The following CPM variants were observed in gnomAD, a reference collection of about 807,000 sequenced individuals.
CPM encodes the protein renal carboxypeptidase.
A neutral mutation model predicts 46.4 loss-of-function variants in CPM; 35 were observed. The observed-to-expected ratio is 0.75, with a 90% CI of 0.58 to 1.00. The LOEUF (loss-of-function observed/expected upper bound fraction) is 1.00, where lower values mean the gene tolerates loss of function less well. Ranked by LOEUF, CPM falls within the 50% of genes least tolerant of loss-of-function variation. The probability of loss-of-function intolerance (pLI) is 0.00; values close to 1 mark genes in which losing one functional copy is unlikely to be tolerated. For synonymous variants in CPM, 195 were observed against 195.3 expected, an observed-to-expected ratio of 1.00 and a Z score of 0.01; for missense variants, 422 against 530.4, an observed-to-expected ratio of 0.80 and a Z score of 2.01.
intron 3 of CPM, among the ~76,000 whole-genome samples, chr12:68,878,016 C>T (rs1449107814): frequency 6.6e-6 from 1 of 152,116 alleles, no homozygotes; most frequent in Non-Finnish European, 1.5e-5. Flanking sequence ...CCACTATTAC[C>T]CAGGGAATGT....
chr12:68,945,882 T>C (rs1407006073), intron 1 of CPM, among the ~76,000 whole-genome samples: 3 of 138,258 alleles, frequency 2.2e-5, no homozygotes, highest in African/African-American at 8.2e-5. Flanking sequence ...AGACAGTGTC[T>C]CACTCTGTTG....
At chr12:68,897,430 A>G (rs1477561328) in intron 2 of CPM, among the ~76,000 whole-genome samples, 3 of 152,122 alleles carry the variant, frequency 2.0e-5, no homozygotes, top group Non-Finnish European at 4.4e-5. Flanking sequence ...TTTGAAGGAC[A>G]ATTCAGCTGT....
At chr12:68,946,468 TATGA>T (rs1219763015) in intron 1 of CPM, among the ~76,000 whole-genome samples, 1 of 152,226 alleles carries the variant, frequency 6.6e-6, no homozygotes, top group African/African-American at 2.4e-5. Context: ...CAGATACCTG[TATGA>T]ATTGAATGAA....
intron 3 of CPM, among the ~76,000 whole-genome samples, chr12:68,878,856 T>TA (rs1004748605): frequency 1.3e-5 from 2 of 152,122 alleles, no homozygotes; most frequent in African/African-American, 4.8e-5. Flanking sequence ...AACTAAGGCT[T>TA]AAAAAAATTC....
chr12:68,884,112 A>G (rs1309192263), intron 3 of CPM, among the ~76,000 whole-genome samples: 8 of 41,482 alleles, frequency 1.9e-4, no homozygotes, highest in Non-Finnish European at 5.8e-4. Context: ...TTCCATCGGA[A>G]AAAAAAAAAA....
intron 1 of CPM, among the ~76,000 whole-genome samples, chr12:68,958,554 A>C (rs1174337642): frequency 6.6e-6 from 1 of 151,736 alleles, no homozygotes; most frequent in Non-Finnish European, 1.5e-5. Flanking sequence ...AGTTCTGTTA[A>C]CTCCATCACC....
chr12:68,863,538 T>C (rs920596891), intron 7 of CPM, among the ~76,000 whole-genome samples: 1 of 152,150 alleles, frequency 6.6e-6, no homozygotes, highest in Non-Finnish European at 1.5e-5. Context: ...GAGTTCTAAT[T>C]GAAGGAATAA....
At chr12:68,962,218 A>AAAAC (rs1565812992) in intron 1 of CPM, among the ~76,000 whole-genome samples, 14 of 151,818 alleles carry the variant, frequency 9.2e-5, no homozygotes, top group African/African-American at 3.4e-4. Context: ...AAAAAAAAAA[A>AAAAC]CCAAGTGTGA....
intron 2 of CPM, among the ~76,000 whole-genome samples, chr12:68,905,730 TAAGA>T (rs1887316568): frequency 6.6e-6 from 1 of 152,138 alleles, no homozygotes; most frequent in Non-Finnish European, 1.5e-5. Flanking sequence ...CTAAGAGGCT[TAAGA>T]AAGAGGCTGA....
chr12:68,930,827 TTG>T (rs1432301478), intron 2 of CPM, among the ~76,000 whole-genome samples: 1 of 152,262 alleles, frequency 6.6e-6, no homozygotes, highest in Non-Finnish European at 1.5e-5. Context: ...CACAAGCACA[TTG>T]TGTTTGAAAA....
chr12:68,851,904 A>AAAT lies in CPM; in HGVS notation c.*4530_*4532dup, dbSNP rs1884708346. 6.6e-6 allele frequency: 1 copy of AAAT among 152,232 alleles called. No homozygotes were observed. The highest frequency in any genetic ancestry group is 1.5e-5 in the Non-Finnish European group (1 of 68,048). The allele number at this position is 152,232 out of a possible 1,614,324, so 9.4% of individuals were successfully genotyped here. A position where few individuals can be genotyped will look rare whatever the true frequency, so the allele number is the denominator to read the frequency against. On this transcript the variant is annotated 3_prime_UTR_variant, in exon 9 of 9. Coordinates refer to ENST00000551568, the MANE Select transcript of CPM (RefSeq NM_198320.5). ...AGGAAAATATAAAGGATCTATCATA[A>AAAT]AATATACATCAACTGTATTGTTACC...
intron 7 of CPM, among the ~76,000 whole-genome samples, chr12:68,860,483 T>C (rs61926268): frequency 0.22 from 34,171 of 151,974 alleles, 4,186 homozygotes; most frequent in Middle Eastern, 0.32. Flanking sequence ...TTTGTAGAGA[T>C]GGGGTTTCAC....
At chr12:68,917,356 T>C (rs367964083) in intron 2 of CPM, among the ~76,000 whole-genome samples, 2 of 152,368 alleles carry the variant, frequency 1.3e-5, no homozygotes, top group African/African-American at 4.8e-5. Context: ...TATAGTCTCA[T>C]GCTAGCACAT....
At chr12:68,902,736 G>A (rs1047143556) in intron 2 of CPM, among the ~76,000 whole-genome samples, 1 of 152,186 alleles carries the variant, frequency 6.6e-6, no homozygotes, top group African/African-American at 2.4e-5. Flanking sequence ...TACAAATGAC[G>A]AGATGGGCTC....
intron 3 of CPM, among the ~76,000 whole-genome samples, chr12:68,875,319 C>A (rs1035892847): frequency 6.6e-6 from 1 of 150,436 alleles, no homozygotes; most frequent in Non-Finnish European, 1.5e-5. Context: ...CCATTGCACT[C>A]CATCCAGCCT....
intron 2 of CPM, among the ~76,000 whole-genome samples, chr12:68,917,892 G>A (rs1887875991): frequency 6.6e-6 from 1 of 152,172 alleles, no homozygotes; most frequent in African/African-American, 2.4e-5. Flanking sequence ...TACAGCTGGA[G>A]AGAAACATGC....
At chr12:68,874,450 T>G (rs552464047) in intron 3 of CPM, among the ~76,000 whole-genome samples, 7 of 152,120 alleles carry the variant, frequency 4.6e-5, no homozygotes, top group African/African-American at 1.4e-4. Flanking sequence ...ACCCCATCTC[T>G]ACTAAAAATA....
At chr12:68,870,427 T>A (rs1184758469) in intron 4 of CPM, 28 bp from the exon 5 acceptor site, 1 of 1,592,766 alleles carries the variant, frequency 6.3e-7, no homozygotes, top group African/African-American at 1.3e-5. Context: ...TTTTAGGGCT[T>A]ATTGATAGGG....
intron 1 of CPM, among the ~76,000 whole-genome samples, chr12:68,960,791 C>A (rs1412873577): frequency 3.3e-5 from 5 of 152,174 alleles, no homozygotes; most frequent in Non-Finnish European, 7.4e-5. Context: ...AGAAAGCTGA[C>A]CCTGCACAAG....
Sources: gnomAD v4.1 joint callset for allele counts (sites outside exome capture counted in the v4.1 genomes callset) on GRCh38, gnomAD v4.1.1 for gene constraint, MANE v1.5 for transcripts, NCBI Gene and HGNC (gene_info 2026-07-23, HGNC 2026-07-21) for gene names.